The following ATG4D variants were observed in gnomAD, a reference collection of about 807,000 sequenced individuals.
ATG4D encodes cysteine protease ATG4D.
ATG4D carries 51 observed loss-of-function variants against 55.2 expected under a neutral mutation model. The observed-to-expected ratio is 0.92, with a 90% CI of 0.74 to 1.17. The LOEUF is 1.17. Among genes scored for constraint, ATG4D ranks in the 50% most tolerant of loss-of-function variants. The pLI, the probability that ATG4D is intolerant of heterozygous loss-of-function variation, is 0.00. For synonymous variants in ATG4D, 268 were observed against 266.2 expected, an observed-to-expected ratio of 1.01 and a Z score of -0.07; for missense variants, 635 against 649.6, an observed-to-expected ratio of 0.98 and a Z score of 0.25.
chr19:10,548,703 A>G (rs1261218156), intron 5 of ATG4D, among the ~76,000 whole-genome samples: 1 of 152,010 alleles, frequency 6.6e-6, no homozygotes, highest in Non-Finnish European at 1.5e-5. Flanking sequence ...ACTCTGTAAA[A>G]TGGGGATGTC....
intron 9 of ATG4D, 36 bp from the exon 10 acceptor site, chr19:10,552,849 T>C (rs1030996159): frequency 2.5e-6 from 4 of 1,577,818 alleles, no homozygotes; most frequent in Middle Eastern, 1.7e-4. Context: ...GGCTTGGCAC[T>C]GTTTGTGGCT....
At chr19:10,550,712 T>TC (rs912529102) in intron 6 of ATG4D, among the ~76,000 whole-genome samples, 2 of 144,064 alleles carry the variant, frequency 1.4e-5, no homozygotes, top group Non-Finnish European at 1.5e-5. Context: ...ATGTGGCTTT[T>TC]TTTTTTTTTT....
Position 10,544,243 on chromosome 19 carries a change from T to TC in ATG4D, c.156dup (p.Gly53ArgfsTer6). The TC allele has an allele frequency of 7.9e-7, 1 of 1,260,708 alleles. No individual in the cohort carries two copies. Among genetic ancestry groups the TC allele is most frequent in the Non-Finnish European group, 1.0e-6 (1 of 994,646 alleles). 78.1% of individuals were successfully genotyped at this position (1,260,708 alleles called of 1,614,324 possible). ...GAGCCAGCGGCCCCGCTCTTGGCTC[T>TC]CCCGGGGCTGGCCCGAGTGAGCCGG... On this transcript the variant is annotated frameshift_variant, in exon 1 of 10. Transcript: ENST00000309469. LOFTEE classifies it high-confidence loss of function.
At chr19:10,548,003 A>ATTTTTTTTTTTTTTTTTTTTTTTTTTTTT in intron 5 of ATG4D, among the ~76,000 whole-genome samples, 1 of 34,960 alleles carries the variant, frequency 2.9e-5, no homozygotes, top group Non-Finnish European at 5.3e-5. Context: ...AGCCCCTGTA[A>ATTTTTTTTTTTTTTTTTTTTTTTTTTTTT]TTTTTTTTTT....
intron 6 of ATG4D, among the ~76,000 whole-genome samples, chr19:10,551,663 A>G (rs1435065268): frequency 6.9e-6 from 1 of 145,250 alleles, no homozygotes; most frequent in Admixed American, 7.4e-5. Flanking sequence ...GGGCCACTGC[A>G]CTCCAGGCTG....
rs748483612 is a variant in ATG4D at position 10,549,014 on chromosome 19, G to A, written c.946G>A (p.Val316Met). ...VRLGGETLNP[V>M]YVPCVKELLR... ...ACTGGGTGGCGAGACTCTCAACCCC[G>A]TGTATGTGCCCTGCGTGAAGGTAGG... is the stretch of plus-strand genomic sequence containing the variant. The change falls in exon 6 of 10, where the codon GTG becomes ATG. Residue 316 changes from valine (V) to methionine (M), a missense_variant. Coordinates refer to ENST00000309469, the MANE Select transcript of ATG4D (RefSeq NM_032885.6). 1.7e-5 allele frequency: 28 copies of A among 1,613,986 alleles called. No individual in the cohort carries two copies. The highest frequency in any genetic ancestry group is 1.6e-4 in the Middle Eastern group (1 of 6,084).
chr19:10,550,684 C>T (rs1383260974), intron 6 of ATG4D, among the ~76,000 whole-genome samples: 2 of 149,446 alleles, frequency 1.3e-5, no homozygotes, highest in Admixed American at 1.3e-4. Flanking sequence ...GCTTGGAGCA[C>T]TCTTTCAGCA....
At chr19:10,547,607 G>A (rs1290425322) in intron 5 of ATG4D, among the ~76,000 whole-genome samples, 8 of 132,250 alleles carry the variant, frequency 6.0e-5, no homozygotes, top group Non-Finnish European at 1.1e-4. Flanking sequence ...CAGCCTGGGC[G>A]ACAGAGTAGG....
In ATG4D at chr19:10,552,974, C is replaced by T. The variant is rs755635951; in HGVS notation, c.1332C>T (p.Cys444=). The T allele has an allele frequency of 5.6e-6, 9 of 1,613,688 alleles. No individual in the cohort carries two copies. In the Admixed American group the frequency reaches 1.3e-4, roughly 24 times the overall value. The change falls in exon 10 of 10, where the codon TGC becomes TGT. Residue 444 remains cysteine (C), a synonymous_variant. Transcript: ENST00000309469. The stretch of plus-strand genomic sequence containing the variant: ...AGGACCACAGCCTGGACGACCTCTG[C>T]TCCCAGCTCGCCCAGCCCACACTCC... The part of the protein sequence containing the change: ...HAQDHSLDDL[C]SQLAQPTLRL...
rs1915951355 is a variant in ATG4D at position 10,544,082 on chromosome 19, G to T, written c.-9G>T. The T allele has an allele frequency of 8.1e-7, 1 of 1,235,414 alleles. No individual in the cohort carries two copies. Among genetic ancestry groups the T allele is most frequent in the South Asian group, 4.2e-5 (1 of 23,974 alleles). 76.5% of individuals were successfully genotyped at this position (1,235,414 alleles called of 1,614,324 possible). A position where few individuals can be genotyped will look rare whatever the true frequency, so the allele number is the denominator to read the frequency against. Reference sequence around the variant, plus strand: ...ACCTGGGCCCTCGGTCCGCCCTCCCGGCGCGTCCATGAACTCAGTGTCGCC... The same window carrying T: ...ACCTGGGCCCTCGGTCCGCCCTCCCTGCGCGTCCATGAACTCAGTGTCGCC... On this transcript the variant is annotated 5_prime_UTR_variant, in exon 1 of 10. Coordinates refer to ENST00000309469, the MANE Select transcript of ATG4D (RefSeq NM_032885.6).
chr19:10,548,278 C>G (rs369744604), intron 5 of ATG4D, among the ~76,000 whole-genome samples: 5 of 151,766 alleles, frequency 3.3e-5, no homozygotes, highest in South Asian at 2.1e-4. Context: ...CATGATCCCC[C>G]CTCCTCGGCC....
In ATG4D at chr19:10,548,969, G is replaced by A. The variant is rs756130278; in HGVS notation, c.901G>A (p.Val301Ile). The A allele has an allele frequency of 1.2e-6, 2 of 1,614,086 alleles. No homozygotes were observed. The highest frequency in any genetic ancestry group is 1.3e-5 in the African/African-American group (1 of 75,008). The change falls in exon 6 of 10, where the codon GTC becomes ATC. Residue 301 changes from valine to isoleucine, a missense_variant. Transcript: ENST00000309469. ...CCCCACAGCCGAGTGGAAGTCTGTGGTCATCCTGGTGCCCGTGCGACTGGG... is the reference window on the plus strand; with the variant it reads ...CCCCACAGCCGAGTGGAAGTCTGTGATCATCCTGGTGCCCGTGCGACTGGG... ...PDPTAEWKSV[V>I]ILVPVRLGGE...
rs1376964208 is a variant in ATG4D, at chr19:10,552,874, C to T, written c.1243-11C>T. 3 of 1,600,570 alleles carry T rather than the reference C, an allele frequency of 1.9e-6. No individual in the cohort carries two copies. Among genetic ancestry groups the T allele is most frequent in the Non-Finnish European group, 2.6e-6 (3 of 1,172,778 alleles). Reference sequence around the variant, plus strand: ...TGTTTGTGGCTGACCCTGTCTCCCTCTTCCCGCCAGGTCCTCAGCTCCTCC... The same window carrying T: ...TGTTTGTGGCTGACCCTGTCTCCCTTTTCCCGCCAGGTCCTCAGCTCCTCC... On this transcript the variant is annotated splice_polypyrimidine_tract_variant and intron_variant, in intron 9 of 9. Coordinates refer to ENST00000309469, the MANE Select transcript of ATG4D (RefSeq NM_032885.6).
At position 10,548,920 on chromosome 19, in the gene ATG4D, G is replaced by A. The variant is rs762595309; in HGVS notation, c.852G>A (p.Val284=). 6.2e-7 allele frequency: 1 copy of A among 1,614,102 alleles called. No homozygotes were observed. The highest frequency in any genetic ancestry group is 8.5e-7 in the Non-Finnish European group (1 of 1,179,992). The change falls in exon 6 of 10, where the codon GTG becomes GTA. Residue 284 remains valine, a synonymous_variant. Transcript: ENST00000309469. Reference sequence around the variant, plus strand: ...TCCCTCCAGTGTACAAGGCGGATGTGGCACGCCTGGTGGCCAGGCCAGACC... The same window carrying A: ...TCCCTCCAGTGTACAAGGCGGATGTAGCACGCCTGGTGGCCAGGCCAGACC... ...SQDCTVYKAD[V]ARLVARPDPT... is the part of the protein sequence containing the mutation.
Position 10,547,122 on chromosome 19 carries a change from G to T in ATG4D, c.770+7G>T. 1 of 1,606,840 alleles carries T rather than the reference G, an allele frequency of 6.2e-7. No individual in the cohort carries two copies. Among genetic ancestry groups the T allele is most frequent in the Non-Finnish European group, 8.5e-7 (1 of 1,176,222 alleles). On this transcript the variant is annotated splice_region_variant and intron_variant, in intron 4 of 9. Coordinates refer to ENST00000309469, the MANE Select transcript of ATG4D (RefSeq NM_032885.6). ...TAGTGGCACACATCCTCAGGTGAGG[G>T]CTGCTGCAGGGATCACGGGAGTTGC...
At chr19:10,548,048 T>TTTTTTTTTTTTA (rs1916103773) in intron 5 of ATG4D, among the ~76,000 whole-genome samples, 1 of 73,456 alleles carries the variant, frequency 1.4e-5, no homozygotes. Flanking sequence ...TTTTTTTTTT[T>TTTTTTTTTTTTA]GAGACAGAGT....
chr19:10,545,853 C>T (rs1478429448), intron 3 of ATG4D, among the ~76,000 whole-genome samples: 1 of 147,920 alleles, frequency 6.8e-6, no homozygotes, highest in Non-Finnish European at 1.5e-5. Flanking sequence ...GGTGGCAGAG[C>T]GAGACTCAGT....
At chr19:10,551,874 C>A in intron 6 of ATG4D, 23 bp from the exon 7 acceptor site, 1 of 1,613,006 alleles carries the variant, frequency 6.2e-7, no homozygotes, top group Non-Finnish European at 8.5e-7. Flanking sequence ...CCTGACAGCA[C>A]CTGCCTACCC....
At chr19:10,544,348 G>A in intron 1 of ATG4D, 23 bp downstream of exon 1, 2 of 1,306,250 alleles carry the variant, frequency 1.5e-6, no homozygotes, top group Non-Finnish European at 2.0e-6. Flanking sequence ...CCCGGAGATC[G>A]TGGGGGTGTC....
Sources: gnomAD v4.1 joint callset for allele counts (sites outside exome capture counted in the v4.1 genomes callset) on GRCh38, gnomAD v4.1.1 for gene constraint, MANE v1.5 for transcripts, NCBI Gene and HGNC (gene_info 2026-07-23, HGNC 2026-07-21) for gene names.